The following ANKS1A variants were observed in gnomAD, a reference collection of about 807,000 sequenced individuals.
ANKS1A encodes the protein ankyrin repeat and SAM domain-containing protein 1A.
A neutral mutation model predicts 120.3 loss-of-function variants in ANKS1A; 55 were observed. The observed-to-expected ratio is 0.46, with a 90% CI of 0.37 to 0.57. The LOEUF (loss-of-function observed/expected upper bound fraction) is 0.57, where lower values mean the gene tolerates loss of function less well. Among genes scored for constraint, ANKS1A ranks in the 20% least tolerant of loss-of-function variants. ANKS1A has a pLI of 0.00. For synonymous variants in ANKS1A, 590 were observed against 604.7 expected, an observed-to-expected ratio of 0.98 and a Z score of 0.36; for missense variants, 1,123 against 1,480.3, an observed-to-expected ratio of 0.76 and a Z score of 3.96.
At chr6:34,892,798 C>T (rs544817645) in intron 1 of ANKS1A, among the ~76,000 whole-genome samples, 63 of 152,274 alleles carry the variant, frequency 4.1e-4, no homozygotes, top group African/African-American at 1.5e-3. Flanking sequence ...CACAGTTGAT[C>T]GCTTTGGCCT....
rs549419390 is a variant in ANKS1A at position 35,083,238 on chromosome 6, G to T, written c.2907+12G>T. On this transcript the variant is annotated intron_variant, in intron 19 of 23. Transcript: ENST00000360359. ...GTGCCAAGATGCGGGTAGGGTGCCT[G>T]TGTGGGCTGGAGGGCGCTGTGGGAC... The T allele has an allele frequency of 9.9e-6, 16 of 1,614,030 alleles. No homozygotes were observed. In the African/African-American group the frequency reaches 1.9e-4, roughly 19 times the overall value.
chr6:34,998,020 G>A (rs531486178), intron 10 of ANKS1A, among the ~76,000 whole-genome samples: 2 of 152,320 alleles, frequency 1.3e-5, no homozygotes, highest in Admixed American at 6.5e-5. Context: ...CTGCCTCAAG[G>A]CTTGCTGTTT....
chr6:34,927,022 C>T (rs1768751520), intron 1 of ANKS1A, among the ~76,000 whole-genome samples: 1 of 152,138 alleles, frequency 6.6e-6, no homozygotes, highest in Non-Finnish European at 1.5e-5. Context: ...CTATCTGTGC[C>T]TCAGTTTGTC....
intron 1 of ANKS1A, among the ~76,000 whole-genome samples, chr6:34,913,482 A>C (rs1475148560): frequency 6.6e-6 from 1 of 152,158 alleles, no homozygotes; most frequent in Non-Finnish European, 1.5e-5. Flanking sequence ...ATGTGCCACT[A>C]TGCCCAGCTA....
At chr6:35,039,624 C>T (rs573189964) in intron 11 of ANKS1A, 32 of 456,784 alleles carry the variant, frequency 7.0e-5, no homozygotes, top group African/African-American at 2.2e-4. Flanking sequence ...CTGCCACGTG[C>T]GTCCCTGTTG....
Position 35,050,192 on chromosome 6 carries a change from G to A in ANKS1A, c.2011-3907G>A, listed in dbSNP as rs1002712521. 6.6e-6 allele frequency among the ~76,000 whole-genome samples: 1 copy of A among 152,184 alleles called. No homozygotes were observed. The highest frequency in any genetic ancestry group is 6.5e-5 in the Admixed American group (1 of 15,284). Reference sequence around the variant, plus strand: ...GGGGAATACATTTTACACAGCCCTGGCAGGGAAAAATAGTCTAAACAGAGT... The same window carrying A: ...GGGGAATACATTTTACACAGCCCTGACAGGGAAAAATAGTCTAAACAGAGT... On this transcript the variant is annotated intron_variant, in intron 11 of 23. Transcript: ENST00000360359. This position sits in a 1 kb window ranked among gnomAD's most constrained non-coding sequence, Gnocchi z 4.3.
chr6:34,964,036 T>G (rs1055563858), intron 1 of ANKS1A, among the ~76,000 whole-genome samples: 1 of 152,246 alleles, frequency 6.6e-6, no homozygotes. Context: ...AGCAGATGTA[T>G]GGTTTGCAAA....
chr6:34,902,802 CAAAA>C (rs11426793), intron 1 of ANKS1A, among the ~76,000 whole-genome samples: 2 of 75,286 alleles, frequency 2.7e-5, no homozygotes, highest in African/African-American at 4.6e-5. Context: ...GACTCCGTCT[CAAAA>C]AAAAAAAAAA....
At chr6:34,903,380 CTGT>C (rs1055927493) in intron 1 of ANKS1A, among the ~76,000 whole-genome samples, 1 of 151,042 alleles carries the variant, frequency 6.6e-6, no homozygotes. Context: ...GGATCTTGCT[CTGT>C]TGCCCAGGCT....
chr6:35,041,551 G>T (rs1775459835), intron 11 of ANKS1A, among the ~76,000 whole-genome samples: 2 of 152,206 alleles, frequency 1.3e-5, no homozygotes, highest in African/African-American at 4.8e-5. Context: ...ACCCAAGGGT[G>T]TAAGTCCACA....
intron 13 of ANKS1A, among the ~76,000 whole-genome samples, chr6:35,067,920 C>T (rs1232628112): frequency 1.8e-5 from 2 of 109,650 alleles, no homozygotes; most frequent in African/African-American, 3.2e-5. Context: ...GACGGAGTTT[C>T]GCCCTTTCCC....
chr6:34,981,306 T>C (rs959131242), intron 3 of ANKS1A, among the ~76,000 whole-genome samples: 70 of 152,216 alleles, frequency 4.6e-4, no homozygotes, highest in African/African-American at 1.7e-3. Flanking sequence ...TGCCTACAAA[T>C]TGTAAAACCA....
chr6:35,080,010 A>G, intron 16 of ANKS1A, 82 bp downstream of exon 16: 2 of 1,446,786 alleles, frequency 1.4e-6, no homozygotes, highest in Non-Finnish European at 1.9e-6. Context: ...AGGATTCTTC[A>G]GAGACCACTG....
rs1467913096 is a variant in ANKS1A, at chr6:35,085,163, C to T, written c.3133-603C>T. 1.3e-5 allele frequency among the ~76,000 whole-genome samples: 2 copies of T among 152,176 alleles called. No homozygotes were observed. The highest frequency in any genetic ancestry group is 1.5e-5 in the Non-Finnish European group (1 of 68,024). On this transcript the variant is annotated intron_variant, in intron 21 of 23. Coordinates refer to ENST00000360359, the MANE Select transcript of ANKS1A (RefSeq NM_015245.3). This position sits in a 1 kb window ranked among gnomAD's most constrained non-coding sequence, Gnocchi z 4.7. ...CTGTGTGAGCTTGGAAACATCGCAT[C>T]TGCCTGCTTCCTCATCTGTCTGGAG...
Position 35,090,818 on chromosome 6 carries a change from A to AGAT in ANKS1A, c.*2211_*2213dup. 1 of 986,004 alleles carries AGAT rather than the reference A, an allele frequency of 1.0e-6. No homozygotes were observed. The highest frequency in any genetic ancestry group is 1.2e-6 in the Non-Finnish European group (1 of 830,376). 61.1% of individuals were successfully genotyped at this position (986,004 alleles called of 1,614,324 possible). On this transcript the variant is annotated 3_prime_UTR_variant, in exon 24 of 24. Transcript: ENST00000360359. ...GGAGCCCATTCGGGTGGGAGACTTCAGATGGGCTCAGTACCTGTCCCAGCC... is the reference window on the plus strand; with the variant it reads ...GGAGCCCATTCGGGTGGGAGACTTCAGATGATGGGCTCAGTACCTGTCCCAGCC...
rs1767796264 is a variant in ANKS1A at position 34,909,313 on chromosome 6, A to G, written c.197+19714A>G. Among the ~76,000 whole-genome samples the G allele has an allele frequency of 2.6e-5, 4 of 152,164 alleles. 1 individual carries two copies. Among genetic ancestry groups the G allele is most frequent in the South Asian group, 4.1e-4 (2 of 4,830 alleles). On this transcript the variant is annotated intron_variant, in intron 1 of 23. Coordinates refer to ENST00000360359, the MANE Select transcript of ANKS1A (RefSeq NM_015245.3). Reference sequence around the variant, plus strand: ...ATATAACTTGTCTAAACTCAATCCCATGTCATTGATGCCAAAGTCAGTGTT... The same window carrying G: ...ATATAACTTGTCTAAACTCAATCCCGTGTCATTGATGCCAAAGTCAGTGTT...
chr6:34,999,273 C>G (rs963110457), intron 10 of ANKS1A, among the ~76,000 whole-genome samples: 1 of 152,198 alleles, frequency 6.6e-6, no homozygotes, highest in Non-Finnish European at 1.5e-5. Flanking sequence ...ATGGCCTGAT[C>G]ACCCATGGCG....
the ANKS1A span, among the ~76,000 whole-genome samples, chr6:35,097,251 T>TCGGTGACTCACACCTG: frequency 0.99 from 150,538 of 152,266 alleles, 74,433 homozygotes; most frequent in South Asian, 1. Context: ...AGGGCCAGGT[T>TCGGTGACTCACACCTG]TAATCCCAGC....
In ANKS1A at chr6:35,082,754, G is replaced by C. The variant is rs149057322; in HGVS notation, c.2773G>C (p.Val925Leu). 1.2e-5 allele frequency: 20 copies of C among 1,613,886 alleles called. No homozygotes were observed. The East Asian group carries it at 4.2e-4, about 34-fold the overall frequency. Reference protein sequence around the residue: ...PPSLAAPYAPVQSWQHQPEKL... With the variant: ...PPSLAAPYAPLQSWQHQPEKL... ...GAGCCTGGCAGCCCCCTACGCCCCA[G>C]TGCAGAGTTGGCAACACCAGCCAGA... Residue 925 changes from valine (V) to leucine (L), a missense_variant, in exon 18 of 24, where the codon GTG (valine) becomes CTG (leucine). Physicochemically the swap from Val to Leu is conservative, Grantham distance 32 (BLOSUM62 1). This residue lies in a region of ANKS1A where 904 missense variants were observed against 1,130.4 expected (regional missense o/e 0.80). Transcript: ENST00000360359. The surrounding 1 kb of genome is among the most constrained non-coding windows in gnomAD (Gnocchi z 4.1).
Sources: gnomAD v4.1 joint callset for allele counts (sites outside exome capture counted in the v4.1 genomes callset) on GRCh38, gnomAD v4.1.1 for gene constraint, gnomAD v4.1.1 regional missense constraint, Gnocchi (gnomAD v3.1) non-coding constraint, MANE v1.5 for transcripts, NCBI Gene and HGNC (gene_info 2026-07-23, HGNC 2026-07-21) for gene names.